The following GLYR1 variants were observed in gnomAD, a reference collection of about 807,000 sequenced individuals.
The protein encoded by GLYR1 is glyoxylate reductase 1 homolog, also known as cytokine-like nuclear factor N-PAC.
A neutral mutation model predicts 72.7 loss-of-function variants in GLYR1; 21 were observed. The ratio of observed to expected loss-of-function variants is 0.29; its 90% CI spans 0.20 to 0.42. GLYR1 has a LOEUF of 0.42. Ranked by LOEUF, GLYR1 falls within the 10% of genes least tolerant of loss-of-function variation. The pLI is 1.00. For missense variants in GLYR1, 594 were observed against 712.1 expected, an observed-to-expected ratio of 0.83 and a Z score of 1.89; for synonymous variants, 392 against 270.2, an observed-to-expected ratio of 1.45 and a Z score of -4.42.
intron 5 of GLYR1, among the ~76,000 whole-genome samples, chr16:4,831,646 C>G (rs1049636754): frequency 5.9e-5 from 9 of 152,234 alleles, no homozygotes; most frequent in Non-Finnish European, 1.0e-4. Context: ...GGCCGTGTCT[C>G]TCACCTGGTC....
At chr16:4,830,272 C>T (rs999307802) in intron 5 of GLYR1, among the ~76,000 whole-genome samples, 10 of 149,550 alleles carry the variant, frequency 6.7e-5, no homozygotes, top group African/African-American at 2.2e-4. Flanking sequence ...GCTTCTCAGC[C>T]TGGTCTTGAA....
intron 3 of GLYR1, among the ~76,000 whole-genome samples, chr16:4,837,164 C>T (rs1477416912): frequency 2.0e-5 from 3 of 152,298 alleles, no homozygotes; most frequent in South Asian, 4.1e-4. Flanking sequence ...GGGCCCGGTG[C>T]GGTGGCTCAT....
intron 10 of GLYR1, among the ~76,000 whole-genome samples, chr16:4,817,365 C>T (rs1002974695): frequency 4.6e-5 from 7 of 151,968 alleles, no homozygotes; most frequent in African/African-American, 9.7e-5. Flanking sequence ...ATGATCCGCC[C>T]GCCTCAGCCT....
At position 4,826,298 on chromosome 16, in the gene GLYR1, G is replaced by A. The variant is rs184347201; in HGVS notation, c.538-2391C>T. Among the ~76,000 whole-genome samples the A allele has an allele frequency of 1.4e-3, 211 of 152,154 alleles. 4 individuals carry two copies. The highest frequency in any genetic ancestry group is 3.4e-3 in the Middle Eastern group (1 of 294). On this transcript the variant is annotated intron_variant, in intron 5 of 15. Transcript: ENST00000321919. ...ATTTCTAATTTTTTGTTTTTATAGG[G>A]TCTTGCTATGTTGGCCAGACTGGTC... is the stretch of plus-strand genomic sequence containing the variant.
chr16:4,812,145 C>A lies in GLYR1; in HGVS notation c.1223G>T (p.Gly408Val). The A allele has an allele frequency of 6.2e-7, 1 of 1,614,196 alleles. No homozygotes were observed. Among genetic ancestry groups the A allele is most frequent in the Non-Finnish European group, 8.5e-7 (1 of 1,180,032 alleles). Residue 408 changes from glycine (G) to valine (V), a missense_variant, in exon 13 of 16, where the codon GGC becomes GTC. Around this residue, in one of 5 missense-constraint regions of GLYR1, gnomAD observed 266 missense variants for 358.4 expected, o/e 0.74. Transcript: ENST00000321919. ...MLVILAAGDRGLYEDCSSCFQ... is the reference protein window; with the variant it reads ...MLVILAAGDRVLYEDCSSCFQ... ...GCAGCTGCTGCAGTCCTCATATAAG[C>A]CCCTGTCTCCAGCCGCTAAGATCAC...
intron 3 of GLYR1, among the ~76,000 whole-genome samples, 165 bp downstream of exon 3, chr16:4,844,909 G>C (rs924182215): frequency 6.6e-5 from 10 of 152,180 alleles, no homozygotes; most frequent in African/African-American, 2.4e-4. Context: ...GGCAATTTCT[G>C]CAAGAAATTG....
rs2083315842 is a variant in GLYR1, at chr16:4,811,406, G to A, written c.1463-112C>T. 3.4e-6 allele frequency: 5 copies of A among 1,452,156 alleles called. No individual in the cohort carries two copies. The Admixed American group carries it at 7.8e-5, about 23-fold the overall frequency. 90.0% of individuals were successfully genotyped at this position (1,452,156 alleles called of 1,614,324 possible). A position where few individuals can be genotyped will look rare whatever the true frequency, so the allele number is the denominator to read the frequency against. ...CATACTCAGGGCTCAGTTCCACATAGCCTAGGCCTCTTGGCTCCTCACTCA... is the reference window on the plus strand; with the variant it reads ...CATACTCAGGGCTCAGTTCCACATAACCTAGGCCTCTTGGCTCCTCACTCA... On this transcript the variant is annotated intron_variant, in intron 14 of 15. Transcript: ENST00000321919.
chr16:4,821,265 C>T, intron 9 of GLYR1, 115 bp downstream of exon 9: 1 of 1,012,230 alleles, frequency 9.9e-7, no homozygotes, highest in Non-Finnish European at 1.5e-6. Flanking sequence ...CCACCTTTTC[C>T]ATTCAATGCC....
At chr16:4,825,453 C>A (rs78061108) in intron 5 of GLYR1, among the ~76,000 whole-genome samples, 1,552 of 152,348 alleles carry the variant, frequency 0.01, 12 homozygotes, top group Middle Eastern at 0.017. Flanking sequence ...CTTTGGGACT[C>A]TGCTGAAATG....
At position 4,842,008 on chromosome 16, in the gene GLYR1, G is replaced by A. The variant is rs1463204919; in HGVS notation, c.155+3066C>T. ...TGTAATCCCAGCACTTTGGGAGGCC[G>A]AGGCGGGCAGATCACGAGGTCAGGA... On this transcript the variant is annotated intron_variant, in intron 3 of 15. Transcript: ENST00000321919. Among the ~76,000 whole-genome samples the A allele has an allele frequency of 4.6e-5, 7 of 152,112 alleles. No homozygotes were observed. In the South Asian group the frequency reaches 1.4e-3, roughly 32 times the overall value.
chr16:4,814,718 T>C (rs2083523746), intron 10 of GLYR1, 71 bp from the exon 11 acceptor site: 2 of 1,252,112 alleles, frequency 1.6e-6, no homozygotes, highest in African/African-American at 1.5e-5. Context: ...GGCCAGAGAA[T>C]TGCTGACCAG....
intron 9 of GLYR1, among the ~76,000 whole-genome samples, chr16:4,820,708 T>C (rs573478676): frequency 6.6e-6 from 1 of 152,246 alleles, no homozygotes; most frequent in Non-Finnish European, 1.5e-5. Flanking sequence ...TGACTTTAGC[T>C]AACTTGCTCC....
intron 3 of GLYR1, among the ~76,000 whole-genome samples, chr16:4,838,389 C>A (rs1567798511): frequency 6.6e-6 from 1 of 152,120 alleles, no homozygotes; most frequent in Non-Finnish European, 1.5e-5. Flanking sequence ...AGAAAGATGA[C>A]CCTGTGCACT....
intron 5 of GLYR1, among the ~76,000 whole-genome samples, chr16:4,831,383 G>A (rs971573251): frequency 2.0e-5 from 3 of 152,110 alleles, no homozygotes; most frequent in Admixed American, 1.3e-4. Context: ...AGACGCTTTA[G>A]TACCACGCTG....
intron 9 of GLYR1, 96 bp from the exon 10 acceptor site, chr16:4,817,793 TG>T: frequency 1.3e-6 from 1 of 789,336 alleles, no homozygotes; most frequent in South Asian, 1.5e-5. Flanking sequence ...TTATACAGCT[TG>T]GGGTAGGGGA....
intron 15 of GLYR1, 42 bp from the exon 16 acceptor site, chr16:4,805,352 G>A (rs1212986633): frequency 6.4e-7 from 1 of 1,551,400 alleles, no homozygotes; most frequent in South Asian, 1.1e-5. Flanking sequence ...CCCCAGAGCT[G>A]CCTTCAAGAC....
At chr16:4,830,929 C>T (rs1289115536) in intron 5 of GLYR1, among the ~76,000 whole-genome samples, 1 of 152,134 alleles carries the variant, frequency 6.6e-6, no homozygotes, top group African/African-American at 2.4e-5. Flanking sequence ...ACTCAACTAC[C>T]CTTTTACAAA....
rs537668678 is a variant in GLYR1, at chr16:4,812,360, G to A, written c.1120-112C>T. ...GGCTGCTCATCACCTTCCAGAGCTG[G>A]AGGGGACGGCCACCCATACCAAGGT... On this transcript the variant is annotated intron_variant, in intron 12 of 15. Coordinates refer to ENST00000321919, the MANE Select transcript of GLYR1 (RefSeq NM_032569.4). 6.7e-6 allele frequency: 8 copies of A among 1,201,092 alleles called. No homozygotes were observed. The South Asian group carries it at 9.4e-5, about 14-fold the overall frequency. The allele number at this position is 1,201,092 out of a possible 1,614,324, so 74.4% of individuals were successfully genotyped here. A position where few individuals can be genotyped will look rare whatever the true frequency, so the allele number is the denominator to read the frequency against.
chr16:4,811,376 TA>T, intron 14 of GLYR1, 82 bp from the exon 15 acceptor site: 1 of 1,566,396 alleles, frequency 6.4e-7, no homozygotes. Context: ...TGTCAGTACC[TA>T]AAACATACTC....
Sources: allele counts gnomAD v4.1 joint callset (sites outside exome capture counted in the v4.1 genomes callset), GRCh38; gene constraint gnomAD v4.1.1; regional missense constraint gnomAD v4.1.1; transcripts MANE v1.5; gene names NCBI Gene and HGNC (gene_info 2026-07-23, HGNC 2026-07-21).